MYT1L: variants seen among roughly 807,000 people sequenced by gnomAD.
MYT1L encodes myelin transcription factor 1-like protein.
Under a neutral mutation model 126.7 loss-of-function variants are expected in MYT1L, and 12 were observed. The observed-to-expected ratio is 0.09, with a 90% CI of 0.06 to 0.15. The LOEUF (loss-of-function observed/expected upper bound fraction) is 0.15. Ranked by LOEUF, MYT1L falls within the 10% of genes least tolerant of loss-of-function variation. The probability of loss-of-function intolerance (pLI) is 1.00; values close to 1 mark genes in which losing one functional copy is unlikely to be tolerated. For missense variants in MYT1L, 979 were observed against 1,585.2 expected, an observed-to-expected ratio of 0.62 and a Z score of 6.49; for synonymous variants, 541 against 604.2, an observed-to-expected ratio of 0.90 and a Z score of 1.53.
At chr2:1,823,713 G>T (rs2038899253) in intron 21 of MYT1L, among the ~76,000 whole-genome samples, 1 of 152,078 alleles carries the variant, frequency 6.6e-6, no homozygotes, top group Non-Finnish European at 1.5e-5. Flanking sequence ...CAGCCCTGCA[G>T]GTGGGTCAGG....
At chr2:1,935,818 G>A (rs2149214683) in intron 9 of MYT1L, among the ~76,000 whole-genome samples, 1 of 152,306 alleles carries the variant, frequency 6.6e-6, no homozygotes, top group African/African-American at 2.4e-5. Flanking sequence ...GACTTTATAA[G>A]CAAATTGAAC....
intron 3 of MYT1L, among the ~76,000 whole-genome samples, chr2:2,082,128 T>C (rs1236162695): frequency 6.6e-6 from 1 of 150,584 alleles, no homozygotes; most frequent in Non-Finnish European, 1.5e-5. Context: ...GTTGAAAGGA[T>C]CTACCACTAT....
At chr2:2,141,670 G>A (rs542883102) in intron 3 of MYT1L, among the ~76,000 whole-genome samples, 3 of 152,300 alleles carry the variant, frequency 2.0e-5, no homozygotes, top group African/African-American at 4.8e-5. Context: ...AATAGTTTCT[G>A]GCATATCAAG....
chr2:2,015,735 C>A (rs1436529070), intron 4 of MYT1L, among the ~76,000 whole-genome samples: 1 of 152,204 alleles, frequency 6.6e-6, no homozygotes, highest in Non-Finnish European at 1.5e-5. Context: ...CCCACCAGCA[C>A]ACCGGCTGTC....
At chr2:1,820,235 C>T (rs2038333520) in intron 21 of MYT1L, among the ~76,000 whole-genome samples, 1 of 152,200 alleles carries the variant, frequency 6.6e-6, no homozygotes, top group African/African-American at 2.4e-5. Flanking sequence ...AGTGTGCAAT[C>T]ATTTTCCTAA....
intron 2 of MYT1L, among the ~76,000 whole-genome samples, chr2:2,251,663 C>T (rs1350243562): frequency 6.6e-6 from 1 of 152,054 alleles, no homozygotes; most frequent in Non-Finnish European, 1.5e-5. Flanking sequence ...TAGGTTATTC[C>T]AAGCTACTAG....
chr2:2,044,268 T>C (rs936908166), intron 4 of MYT1L, among the ~76,000 whole-genome samples: 4 of 152,230 alleles, frequency 2.6e-5, no homozygotes, highest in Non-Finnish European at 4.4e-5. Flanking sequence ...TTAGTTACAA[T>C]TAAAGTCTTT....
intron 18 of MYT1L, among the ~76,000 whole-genome samples, chr2:1,857,539 C>A (rs991367859): frequency 6.6e-6 from 1 of 152,118 alleles, no homozygotes; most frequent in Non-Finnish European, 1.5e-5. Context: ...TTTCATGTGT[C>A]TTTTTTCATT....
chr2:2,000,485 AGTT>A (rs1349625562), intron 4 of MYT1L, among the ~76,000 whole-genome samples: 1 of 152,050 alleles, frequency 6.6e-6, no homozygotes, highest in African/African-American at 2.4e-5. Context: ...TGACAAGAAG[AGTT>A]GGCCTGAGTG....
intron 21 of MYT1L, among the ~76,000 whole-genome samples, chr2:1,812,875 CAAAAAA>C (rs33917296): frequency 3.3e-5 from 2 of 59,758 alleles, no homozygotes; most frequent in Non-Finnish European, 6.8e-5. Flanking sequence ...GACTCCGTCT[CAAAAAA>C]AAAAAAAAAA....
chr2:1,986,568 TC>T (rs2061040386), intron 5 of MYT1L, among the ~76,000 whole-genome samples: 1 of 152,236 alleles, frequency 6.6e-6, no homozygotes, highest in African/African-American at 2.4e-5. Context: ...GGTGATGCTT[TC>T]ATAAAATAAT....
intron 2 of MYT1L, among the ~76,000 whole-genome samples, chr2:2,248,973 C>G (rs1378550769): frequency 6.6e-6 from 1 of 152,110 alleles, no homozygotes; most frequent in African/African-American, 2.4e-5. Context: ...AAGATGCCCA[C>G]TGTCACTGTT....
chr2:2,119,264 A>G (rs1037361464), intron 3 of MYT1L, among the ~76,000 whole-genome samples: 7 of 152,238 alleles, frequency 4.6e-5, no homozygotes, highest in African/African-American at 1.2e-4. Flanking sequence ...GTAATAATAT[A>G]TTGCTTTAAA....
chr2:2,253,808 G>C (rs574211925), intron 2 of MYT1L, among the ~76,000 whole-genome samples: 1 of 149,950 alleles, frequency 6.7e-6, no homozygotes, highest in South Asian at 2.1e-4. Context: ...AACAGGAAGC[G>C]GGGCAGGAGA....
chr2:2,052,660 A>G (rs1034848865), intron 4 of MYT1L, among the ~76,000 whole-genome samples: 2 of 152,198 alleles, frequency 1.3e-5, no homozygotes, highest in African/African-American at 4.8e-5. Context: ...CCATAAACAC[A>G]TGGAAAGATG....
At chr2:2,095,877 C>T (rs2077409124) in intron 3 of MYT1L, among the ~76,000 whole-genome samples, 1 of 152,146 alleles carries the variant, frequency 6.6e-6, no homozygotes, top group Admixed American at 6.5e-5. Flanking sequence ...GACTATCATG[C>T]CCAGGGGGAA....
intron 3 of MYT1L, among the ~76,000 whole-genome samples, chr2:2,136,154 T>C (rs141680864): frequency 4.6e-5 from 7 of 152,278 alleles, no homozygotes; most frequent in Non-Finnish European, 8.8e-5. Context: ...GCTCTCACTT[T>C]TTATGTTCCT....
chr2:2,207,292 T>G (rs561422115), intron 2 of MYT1L, among the ~76,000 whole-genome samples: 1 of 152,168 alleles, frequency 6.6e-6, no homozygotes, highest in Non-Finnish European at 1.5e-5. Flanking sequence ...ACTACACATA[T>G]AAAACACACA....
chr2:1,908,443 C>T (rs1438774669), intron 13 of MYT1L, among the ~76,000 whole-genome samples: 4 of 151,896 alleles, frequency 2.6e-5, no homozygotes, highest in Non-Finnish European at 5.9e-5. Context: ...GCAGAGCAGT[C>T]CCCGGGAGCA....
Sources: allele counts gnomAD v4.1 joint callset (sites outside exome capture counted in the v4.1 genomes callset), GRCh38; gene constraint gnomAD v4.1.1; transcripts MANE v1.5; gene names NCBI Gene and HGNC (gene_info 2026-07-23, HGNC 2026-07-21).